Variants in OPHN1 observed in about 807,000 individuals in gnomAD.
OPHN1 encodes oligophrenin 1, also known as oligophrenin-1.
OPHN1 carries 11 observed loss-of-function variants against 60.7 expected under a neutral mutation model. The observed-to-expected ratio is 0.18, with a 90% CI of 0.11 to 0.30. The LOEUF (loss-of-function observed/expected upper bound fraction) is 0.30. Ranked by LOEUF, OPHN1 falls within the 10% of genes least tolerant of loss-of-function variation. The pLI is 1.00. For missense variants in OPHN1, 449 were observed against 611.0 expected, an observed-to-expected ratio of 0.73 and a Z score of 2.80; for synonymous variants, 226 against 222.6, an observed-to-expected ratio of 1.02 and a Z score of -0.14.
intron 2 of OPHN1, among the ~76,000 whole-genome samples, chrX:68,430,454 C>G (rs1048441534): frequency 9.0e-6 from 1 of 111,570 alleles, no homozygotes; most frequent in East Asian, 2.8e-4. Context: ...TCTAGAATAT[C>G]TCTTGGATCT....
chrX:68,207,578 C>A (rs2147475586), intron 9 of OPHN1, among the ~76,000 whole-genome samples: 1 of 111,721 alleles, frequency 9.0e-6, no homozygotes, highest in South Asian at 3.8e-4. Context: ...ATTCTCCACT[C>A]TTTTCCTAGA....
At chrX:68,290,946 C>A (rs1031209484) in intron 3 of OPHN1, among the ~76,000 whole-genome samples, 2 of 111,399 alleles carry the variant, frequency 1.8e-5, no homozygotes, top group Non-Finnish European at 3.8e-5. Context: ...TAATAATAAT[C>A]TTTTTGTTCA....
chrX:68,207,159 C>T (rs1405551430), intron 9 of OPHN1, among the ~76,000 whole-genome samples: 1 of 104,233 alleles, frequency 9.6e-6, no homozygotes, highest in African/African-American at 3.5e-5. Flanking sequence ...GACAGAGTCT[C>T]GTTCTGTCAC....
chrX:68,271,774 T>C (rs1383037599), intron 5 of OPHN1, among the ~76,000 whole-genome samples: 4 of 110,845 alleles, frequency 3.6e-5, no homozygotes, highest in Non-Finnish European at 7.6e-5. Flanking sequence ...AAGCTCAATG[T>C]ATGAGGGCCC....
chrX:68,139,087 G>A (rs939931666), intron 15 of OPHN1, among the ~76,000 whole-genome samples: 4 of 110,967 alleles, frequency 3.6e-5, no homozygotes, highest in Non-Finnish European at 7.5e-5. Flanking sequence ...TCAGAAGAAC[G>A]CGGAATAATT....
At chrX:68,273,680 A>G (rs1242197781) in intron 5 of OPHN1, among the ~76,000 whole-genome samples, 1 of 112,228 alleles carries the variant, frequency 8.9e-6, no homozygotes, top group Admixed American at 9.5e-5. Context: ...AGTAGTTACC[A>G]TAATAGACAG....
chrX:68,253,643 T>A (rs1314978995), intron 5 of OPHN1, among the ~76,000 whole-genome samples: 1 of 111,975 alleles, frequency 8.9e-6, no homozygotes, highest in Non-Finnish European at 1.9e-5. Context: ...TTCAGTTAAA[T>A]TTTTTAAAAT....
intron 6 of OPHN1, among the ~76,000 whole-genome samples, chrX:68,217,637 C>T (rs1238267003): frequency 9.0e-6 from 1 of 110,735 alleles, no homozygotes; most frequent in Non-Finnish European, 1.9e-5. Flanking sequence ...CCCCAAGCAG[C>T]CTAACTGGGA....
chrX:68,128,292 C>T (rs1164196684), intron 15 of OPHN1, among the ~76,000 whole-genome samples: 1 of 110,679 alleles, frequency 9.0e-6, no homozygotes, highest in Non-Finnish European at 1.9e-5. Context: ...TGGGCTCAGG[C>T]GATCCTCTCG....
rs777409497 is a variant in OPHN1, at chrX:68,357,515, TC to T, written c.155-58420del. Among the ~76,000 whole-genome samples the T allele has an allele frequency of 5.8e-4, 64 of 109,937 alleles. 1 individual carries two copies. In the East Asian group the frequency reaches 9.3e-3, roughly 16 times the overall value. ...AGAACATGCGGCGTTTGGTTTTTTG[TC>T]CTTGCGATAGTTTGCTGAGAATGAT... is the stretch of plus-strand genomic sequence containing the variant. On this transcript the variant is annotated intron_variant, in intron 2 of 24. Transcript: ENST00000355520.
chrX:68,192,871 T>C (rs2077495227), intron 15 of OPHN1, 48 bp downstream of exon 15: 1 of 978,906 alleles, frequency 1.0e-6, no homozygotes, highest in African/African-American at 1.9e-5. Context: ...CATTTCTTTG[T>C]AACACATAAA....
At chrX:68,411,213 C>T (rs1467191561) in intron 2 of OPHN1, among the ~76,000 whole-genome samples, 1 of 111,404 alleles carries the variant, frequency 9.0e-6, no homozygotes, top group Non-Finnish European at 1.9e-5. Context: ...TTGCATGTCA[C>T]GGGGGTTTGG....
At chrX:68,171,661 G>A (rs749734198) in intron 15 of OPHN1, among the ~76,000 whole-genome samples, 4 of 110,567 alleles carry the variant, frequency 3.6e-5, no homozygotes, top group Admixed American at 9.7e-5. Flanking sequence ...ACTTGAACCC[G>A]GGAGGTGGAG....
At position 68,339,086 on chromosome X, in the gene OPHN1, A is replaced by AT. The variant is rs1569285086; in HGVS notation, c.155-39991_155-39990insA. ...CAGTGAGACCCTGTCTGAAAAAAAA[A>AT]AATATATATATATATATATTTATAT... On this transcript the variant is annotated intron_variant, in intron 2 of 24. Coordinates refer to ENST00000355520, the MANE Select transcript of OPHN1 (RefSeq NM_002547.3). 4.0e-3 allele frequency among the ~76,000 whole-genome samples: 405 copies of AT among 101,849 alleles called. 3 individuals carry two copies. Among genetic ancestry groups the AT allele is most frequent in the African/African-American group, 0.014 (380 of 26,992 alleles). The allele number at this position is 101,849 out of a possible 115,157, so 88.4% of individuals were successfully genotyped here.
rs181475635 is a variant in OPHN1 at position 68,202,908 on chromosome X, C to T, written c.934-1198G>A. ...ATCCAAATTGGTATAGTGGAAATAG[C>T]AACACACTAGAAAGTTTAAGACCTA... is the stretch of plus-strand genomic sequence containing the variant. On this transcript the variant is annotated intron_variant, in intron 10 of 24. Coordinates refer to ENST00000355520, the MANE Select transcript of OPHN1 (RefSeq NM_002547.3). Among the ~76,000 whole-genome samples the T allele has an allele frequency of 8.9e-5, 10 of 111,812 alleles. No homozygotes were observed. In the East Asian group the frequency reaches 2.8e-3, roughly 32 times the overall value.
rs1199231602 is a variant in OPHN1 at position 68,265,353 on chromosome X, G to A, written c.384+9385C>T. Among the ~76,000 whole-genome samples, 4 of 111,735 alleles carry A rather than the reference G, an allele frequency of 3.6e-5. No individual in the cohort carries two copies. In the East Asian group the frequency reaches 1.1e-3, roughly 32 times the overall value. ...AAACTTCCAGAGGAATGATCAGGCA[G>A]CAACATTTGATGTTTGTCAATATCT... On this transcript the variant is annotated intron_variant, in intron 5 of 24. Transcript: ENST00000355520.
At chrX:68,130,190 G>GA (rs1352579727) in intron 15 of OPHN1, among the ~76,000 whole-genome samples, 1 of 111,464 alleles carries the variant, frequency 9.0e-6, no homozygotes, top group Non-Finnish European at 1.9e-5. Flanking sequence ...ACTCAACAGA[G>GA]ATGCTGGCTG....
At chrX:68,380,172 C>T (rs2078587834) in intron 2 of OPHN1, among the ~76,000 whole-genome samples, 2 of 111,211 alleles carry the variant, frequency 1.8e-5, no homozygotes, top group African/African-American at 6.5e-5. Context: ...GTGTATGTGT[C>T]GAGGAATTTA....
chrX:68,286,017 G>A (rs2078039600), intron 3 of OPHN1, among the ~76,000 whole-genome samples: 1 of 111,240 alleles, frequency 9.0e-6, no homozygotes, highest in African/African-American at 3.3e-5. Context: ...AAAATCTAAT[G>A]TAAGGGCTTC....
Sources: gnomAD v4.1 joint callset for allele counts (sites outside exome capture counted in the v4.1 genomes callset) on GRCh38, gnomAD v4.1.1 for gene constraint, MANE v1.5 for transcripts, NCBI Gene and HGNC (gene_info 2026-07-23, HGNC 2026-07-21) for gene names.